Variants in FOXL2 observed in about 807,000 individuals in gnomAD.
The protein encoded by FOXL2 is forkhead box L2.
Under a neutral mutation model 2.5 loss-of-function variants are expected in FOXL2, and 3 were observed. The ratio of observed to expected loss-of-function variants is 1.20; its 90% CI spans 0.55 to 3.11. The LOEUF is 3.11. Among genes scored for constraint, FOXL2 ranks in the 30% most tolerant of loss-of-function variants. The pLI is 0.03. For synonymous variants in FOXL2, 315 were observed against 269.4 expected, an observed-to-expected ratio of 1.17 and a Z score of -1.66; for missense variants, 512 against 570.0, an observed-to-expected ratio of 0.90 and a Z score of 1.04.
In FOXL2 at chr3:138,945,867, G is replaced by T; in HGVS notation, c.856C>A (p.Pro286Thr). 1.6e-6 allele frequency: 2 copies of T among 1,245,884 alleles called. No individual in the cohort carries two copies. Among genetic ancestry groups the T allele is most frequent in the Non-Finnish European group, 1.0e-6 (1 of 998,590 alleles). 77.2% of individuals were successfully genotyped at this position (1,245,884 alleles called of 1,614,324 possible). A position where few individuals can be genotyped will look rare whatever the true frequency, so the allele number is the denominator to read the frequency against. Residue 286 changes from proline (P) to threonine (T), a missense_variant, in exon 1 of 1, where the codon CCT (proline) becomes ACT (threonine). This residue lies in a region of FOXL2 where 287 missense variants were observed against 277.4 expected (regional missense o/e 1.03). Transcript: ENST00000648323. Reference sequence around the variant, plus strand: ...GGATGCGGGTGGGGGTGCGGCGGAGGCGGGGGTGCGGCCGGCGGGCCTCCC... The same window carrying T: ...GGATGCGGGTGGGGGTGCGGCGGAGTCGGGGGTGCGGCCGGCGGGCCTCCC... ...GLGGPPAAPP[P>T]PPHPHPHPHA...
In FOXL2 at chr3:138,945,238, C is replaced by G. The variant is rs998081690; in HGVS notation, c.*354G>C. 4.5e-5 allele frequency: 11 copies of G among 244,320 alleles called. No homozygotes were observed. The highest frequency in any genetic ancestry group is 5.8e-5 in the East Asian group (1 of 17,208). The allele number at this position is 244,320 out of a possible 1,614,324, so 15.1% of individuals were successfully genotyped here. On this transcript the variant is annotated 3_prime_UTR_variant, in exon 1 of 1. Transcript: ENST00000648323. The stretch of plus-strand genomic sequence containing the variant: ...CCAAGAGGTCTGCGCTGCCGACGCC[C>G]GGTCGCACCTCCGCCCCGGGCCCTT...
Position 138,945,798 on chromosome 3 carries a change from G to T in FOXL2, c.925C>A (p.Pro309Thr). The change falls in exon 1 of 1, where the codon CCA becomes ACA. Residue 309 changes from proline to threonine, a missense_variant. By Grantham distance (38) the Pro-to-Thr change is conservative (BLOSUM62 -1). Around this residue, in one of 5 missense-constraint regions of FOXL2, gnomAD observed 287 missense variants for 277.4 expected, o/e 1.03. Coordinates refer to ENST00000648323, the MANE Select transcript of FOXL2 (RefSeq NM_023067.4). ...LHAAAAPPPA[P>T]PHHGAAAPPP... ...GGCGCGGCGGCCCCGTGGTGCGGTG[G>T]GGCAGGCGGCGGTGCGGCGGCCGCG... 1 of 1,181,614 alleles carries T rather than the reference G, an allele frequency of 8.5e-7. No homozygotes were observed. The highest frequency in any genetic ancestry group is 1.6e-5 in the African/African-American group (1 of 62,156). 73.2% of individuals were successfully genotyped at this position (1,181,614 alleles called of 1,614,324 possible). A position where few individuals can be genotyped will look rare whatever the true frequency, so the allele number is the denominator to read the frequency against.
Position 138,946,537 on chromosome 3 carries a change from G to T in FOXL2, c.186C>A (p.Leu62=). ...CGCTCTCGCGGATCGCCATGGCGAT[G>T]AGCGCCACGTACGAGTACGGGGGCT... ...AQKPPYSYVA[L]IAMAIRESAE... The change falls in exon 1 of 1, where the codon CTC becomes CTA. Residue 62 remains leucine (L), a synonymous_variant. Coordinates refer to ENST00000648323, the MANE Select transcript of FOXL2 (RefSeq NM_023067.4). The T allele has an allele frequency of 6.2e-7, 1 of 1,613,126 alleles. No individual in the cohort carries two copies. Among genetic ancestry groups the T allele is most frequent in the Non-Finnish European group, 8.5e-7 (1 of 1,179,992 alleles).
At position 138,946,322 on chromosome 3, in the gene FOXL2, C is replaced by G. The variant is rs774921882; in HGVS notation, c.401G>C (p.Cys134Ser). The G allele has an allele frequency of 3.1e-6, 5 of 1,613,632 alleles. No individual in the cohort carries two copies. The highest frequency in any genetic ancestry group is 2.2e-5 in the East Asian group (1 of 44,802). Residue 134 changes from cysteine to serine, a missense_variant, in exon 1 of 1, where the codon TGC becomes TCC. Around this residue, in one of 5 missense-constraint regions of FOXL2, gnomAD observed 63 missense variants for 138.9 expected, o/e 0.45. Coordinates refer to ENST00000648323, the MANE Select transcript of FOXL2 (RefSeq NM_023067.4). ...GTTGCCCTTCTCGAACATGTCTTCG[C>G]AGGCCGGGTCCAGCGTCCAGTAGTT... is the stretch of plus-strand genomic sequence containing the variant. Reference protein sequence around the residue: ...KGNYWTLDPACEDMFEKGNYR... With the variant: ...KGNYWTLDPASEDMFEKGNYR...
chr3:138,946,642 T>C lies in FOXL2; in HGVS notation c.81A>G (p.Pro27=). The C allele has an allele frequency of 6.3e-7, 1 of 1,595,660 alleles. No homozygotes were observed. The highest frequency in any genetic ancestry group is 8.5e-7 in the Non-Finnish European group (1 of 1,174,182). ...TGCCTGGGCTCGGCGGCGGCCCTTC[T>C]GGCTCCTTGACTGTGCGACCGGTCT... ...APETGRTVKE[P]EGPPPSPGKG... The change falls in exon 1 of 1, where the codon CCA becomes CCG. Residue 27 remains proline (P), a synonymous_variant. Coordinates refer to ENST00000648323, the MANE Select transcript of FOXL2 (RefSeq NM_023067.4).
At position 138,947,092 on chromosome 3, in the gene FOXL2, G is replaced by T; in HGVS notation, c.-370C>A. The T allele has an allele frequency of 2.1e-6, 1 of 477,098 alleles. No homozygotes were observed. The allele number at this position is 477,098 out of a possible 1,614,324, so 29.6% of individuals were successfully genotyped here. On this transcript the variant is annotated 5_prime_UTR_variant, in exon 1 of 1. Coordinates refer to ENST00000648323, the MANE Select transcript of FOXL2 (RefSeq NM_023067.4). The surrounding 1 kb of genome is among the most constrained non-coding windows in gnomAD (Gnocchi z 5.2). ...AAGCACGACCCGCGTCTCTGGCGGA[G>T]CTGCCTCCTGGAGTCCCTAGTGCGC...
In FOXL2 at chr3:138,946,833, G is replaced by C; in HGVS notation, c.-111C>G. The C allele has an allele frequency of 6.9e-7, 1 of 1,454,194 alleles. No individual in the cohort carries two copies. The highest frequency in any genetic ancestry group is 2.5e-5 in the East Asian group (1 of 39,432). The allele number at this position is 1,454,194 out of a possible 1,614,324, so 90.1% of individuals were successfully genotyped here. A position where few individuals can be genotyped will look rare whatever the true frequency, so the allele number is the denominator to read the frequency against. ...CTTACGGCCAAGTCTCAAACTTCTG[G>C]AGACTGCGGATGCCGCCCGCGCTTG... On this transcript the variant is annotated 5_prime_UTR_variant, in exon 1 of 1. Coordinates refer to ENST00000648323, the MANE Select transcript of FOXL2 (RefSeq NM_023067.4).
rs773788619 is a variant in FOXL2, at chr3:138,945,996, C to T, written c.727G>A (p.Ala243Thr). 7.8e-6 allele frequency: 11 copies of T among 1,401,424 alleles called. No individual in the cohort carries two copies. The South Asian group carries it at 1.8e-4, about 23-fold the overall frequency. 86.8% of individuals were successfully genotyped at this position (1,401,424 alleles called of 1,614,324 possible). The change falls in exon 1 of 1, where the codon GCT becomes ACT. Residue 243 changes from alanine to threonine, a missense_variant. By Grantham distance (58) the Ala-to-Thr change is moderately conservative. This residue lies in a region of FOXL2 where 287 missense variants were observed against 277.4 expected (regional missense o/e 1.03). Coordinates refer to ENST00000648323, the MANE Select transcript of FOXL2 (RefSeq NM_023067.4). ...AAGPGSPGAA[A>T]VVKGLAGPAA... is the part of the protein sequence containing the mutation. ...GGGCCCGCCAGCCCCTTGACCACAG[C>T]GGCCGCGCCAGGGCTACCGGGGCCC...
Position 138,946,165 on chromosome 3 carries a change from G to A in FOXL2, c.558C>T (p.Tyr186=). Reference sequence around the variant, plus strand: ...GGTACTTGGGGGGCGCCAGGTAGCCGTAGCCGTCGGCCCCGGCGCCCGCCA... The same window carrying A: ...GGTACTTGGGGGGCGCCAGGTAGCCATAGCCGTCGGCCCCGGCGCCCGCCA... The part of the protein sequence containing the change: ...CGVAGAGADG[Y]GYLAPPKYLQ... The change falls in exon 1 of 1, where the codon TAC becomes TAT. Residue 186 remains tyrosine, a synonymous_variant. Coordinates refer to ENST00000648323, the MANE Select transcript of FOXL2 (RefSeq NM_023067.4). 6.7e-7 allele frequency: 1 copy of A among 1,483,990 alleles called. No individual in the cohort carries two copies. Among genetic ancestry groups the A allele is most frequent in the Non-Finnish European group, 8.9e-7 (1 of 1,124,652 alleles). 91.9% of individuals were successfully genotyped at this position (1,483,990 alleles called of 1,614,324 possible).
At position 138,946,007 on chromosome 3, in the gene FOXL2, G is replaced by A; in HGVS notation, c.716C>T (p.Pro239Leu). Residue 239 changes from proline to leucine, a missense_variant, in exon 1 of 1, where the codon CCT (proline) becomes CTT (leucine). Physicochemically the swap from Pro to Leu is moderately conservative, Grantham distance 98 (BLOSUM62 -3). This residue lies in a region of FOXL2 where 287 missense variants were observed against 277.4 expected (regional missense o/e 1.03). Transcript: ENST00000648323. ...AAAAAAGPGSPGAAAVVKGLA... is the reference protein window; with the variant it reads ...AAAAAAGPGSLGAAAVVKGLA... Reference sequence around the variant, plus strand: ...CCCCTTGACCACAGCGGCCGCGCCAGGGCTACCGGGGCCCGCGGCTGCAGC... The same window carrying A: ...CCCCTTGACCACAGCGGCCGCGCCAAGGCTACCGGGGCCCGCGGCTGCAGC... 7.2e-7 allele frequency: 1 copy of A among 1,393,940 alleles called. No individual in the cohort carries two copies. The highest frequency in any genetic ancestry group is 1.6e-5 in the South Asian group (1 of 61,540). The allele number at this position is 1,393,940 out of a possible 1,614,324, so 86.3% of individuals were successfully genotyped here. A position where few individuals can be genotyped will look rare whatever the true frequency, so the allele number is the denominator to read the frequency against.
In FOXL2 at chr3:138,946,683, C is replaced by G. The variant is rs754146874; in HGVS notation, c.40G>C (p.Ala14Pro). The G allele has an allele frequency of 8.9e-6, 14 of 1,576,702 alleles. No individual in the cohort carries two copies. The South Asian group carries it at 1.6e-4, about 18-fold the overall frequency. ...CGACCGGTCTCTGGGGCCAGCAGGG[C>G]CCCCGCCGCGTCCTCGGGCTCGGGG... ...SYPEPEDAAG[A>P]LLAPETGRTV... Residue 14 changes from alanine (A) to proline (P), a missense_variant, in exon 1 of 1, where the codon GCC (alanine) becomes CCC (proline). Ala to Pro is a conservative substitution (Grantham distance 27, BLOSUM62 -1). Coordinates refer to ENST00000648323, the MANE Select transcript of FOXL2 (RefSeq NM_023067.4).
chr3:138,945,567 G>A lies in FOXL2; in HGVS notation c.*25C>T, dbSNP rs1935935836. On this transcript the variant is annotated 3_prime_UTR_variant, in exon 1 of 1. Coordinates refer to ENST00000648323, the MANE Select transcript of FOXL2 (RefSeq NM_023067.4). ...CGCGCGTCCCTGCATCCTCGCATCC[G>A]TCTGCACCGGCATGCGGTGGGCTCT... 6.2e-7 allele frequency: 1 copy of A among 1,604,536 alleles called. No homozygotes were observed. The highest frequency in any genetic ancestry group is 2.2e-5 in the East Asian group (1 of 44,646).
In FOXL2 at chr3:138,945,977, G is replaced by T; in HGVS notation, c.746C>A (p.Ala249Glu). ...PGAAAVVKGL[A>E]GPAASYGPYT... ...CGGCCCGTACGAGGCGGCCGGGCCC[G>T]CCAGCCCCTTGACCACAGCGGCCGC... is the stretch of plus-strand genomic sequence containing the variant. The change falls in exon 1 of 1, where the codon GCG (alanine) becomes GAG (glutamate). Residue 249 changes from alanine (A) to glutamate (E), a missense_variant. Physicochemically the swap from Ala to Glu is moderately radical, Grantham distance 107. Around this residue, in one of 5 missense-constraint regions of FOXL2, gnomAD observed 287 missense variants for 277.4 expected, o/e 1.03. Transcript: ENST00000648323. 2 of 1,403,972 alleles carry T rather than the reference G, an allele frequency of 1.4e-6. No individual in the cohort carries two copies. Among genetic ancestry groups the T allele is most frequent in the South Asian group, 1.7e-5 (1 of 60,232 alleles). The allele number at this position is 1,403,972 out of a possible 1,614,324, so 87.0% of individuals were successfully genotyped here. A position where few individuals can be genotyped will look rare whatever the true frequency, so the allele number is the denominator to read the frequency against.
Position 138,946,032 on chromosome 3 carries a change from C to T in FOXL2, c.691G>A (p.Ala231Thr), listed in dbSNP as rs2107743701. 1 of 1,392,288 alleles carries T rather than the reference C, an allele frequency of 7.2e-7. No homozygotes were observed. The highest frequency in any genetic ancestry group is 9.2e-7 in the Non-Finnish European group (1 of 1,085,428). The allele number at this position is 1,392,288 out of a possible 1,614,324, so 86.2% of individuals were successfully genotyped here. A position where few individuals can be genotyped will look rare whatever the true frequency, so the allele number is the denominator to read the frequency against. ...GGGCTACCGGGGCCCGCGGCTGCAG[C>T]CGCAGCTGCTGCAGCCGCTGCGGCT... is the stretch of plus-strand genomic sequence containing the variant. ...AAAAAAAAAA[A>T]AAAGPGSPGA... The change falls in exon 1 of 1, where the codon GCT becomes ACT. Residue 231 changes from alanine (A) to threonine (T), a missense_variant. Physicochemically the swap from Ala to Thr is moderately conservative, Grantham distance 58. Coordinates refer to ENST00000648323, the MANE Select transcript of FOXL2 (RefSeq NM_023067.4).
Position 138,946,271 on chromosome 3 carries a change from C to T in FOXL2, c.452G>A (p.Arg151Lys), listed in dbSNP as rs2107744349. ...GTGCGCGGGCGGCGGCCGGAAGGGC[C>T]TCTTCATGCGGCGGCGGCGCCGGTA... ...GNYRRRRRMK[R>K]PFRPPPAHFQ... Residue 151 changes from arginine to lysine, a missense_variant, in exon 1 of 1, where the codon AGG becomes AAG. Physicochemically the swap from Arg to Lys is conservative, Grantham distance 26. This residue lies in a region of FOXL2 where 287 missense variants were observed against 277.4 expected (regional missense o/e 1.03). Transcript: ENST00000648323. 1 of 1,606,186 alleles carries T rather than the reference C, an allele frequency of 6.2e-7. No individual in the cohort carries two copies.
Position 138,946,894 on chromosome 3 carries a change from T to A in FOXL2, c.-172A>T. 1 of 990,342 alleles carries A rather than the reference T, an allele frequency of 1.0e-6. No homozygotes were observed. The highest frequency in any genetic ancestry group is 1.7e-5 in the South Asian group (1 of 59,492). The allele number at this position is 990,342 out of a possible 1,614,324, so 61.3% of individuals were successfully genotyped here. A position where few individuals can be genotyped will look rare whatever the true frequency, so the allele number is the denominator to read the frequency against. ...GCCTGTCGCTGCTCTCCCCTCTCCT[T>A]CCCCTTCCCCTAGGGAGCGGCCGGC... On this transcript the variant is annotated 5_prime_UTR_variant, in exon 1 of 1. Coordinates refer to ENST00000648323, the MANE Select transcript of FOXL2 (RefSeq NM_023067.4).
Position 138,945,438 on chromosome 3 carries a change from G to T in FOXL2, c.*154C>A. 7.5e-7 allele frequency: 1 copy of T among 1,334,804 alleles called. No individual in the cohort carries two copies. The highest frequency in any genetic ancestry group is 1.0e-6 in the Non-Finnish European group (1 of 995,710). The allele number at this position is 1,334,804 out of a possible 1,614,324, so 82.7% of individuals were successfully genotyped here. On this transcript the variant is annotated 3_prime_UTR_variant, in exon 1 of 1. Coordinates refer to ENST00000648323, the MANE Select transcript of FOXL2 (RefSeq NM_023067.4). ...AGAGGAGCGACAGGAGCTTAGGAAAGCGAAAAAGCACAGAGGGACCCTGGG... is the reference window on the plus strand; with the variant it reads ...AGAGGAGCGACAGGAGCTTAGGAAATCGAAAAAGCACAGAGGGACCCTGGG...
rs35050049 is a variant in FOXL2, at chr3:138,944,811, C to CTT, written c.*779_*780dup. On this transcript the variant is annotated 3_prime_UTR_variant, in exon 1 of 1. Transcript: ENST00000648323. ...CCGGTTGCCCGGTGAATTTTTTTTCCTTTTTTTTTTTTTAAATACTCTCTT... is the reference window on the plus strand; with the variant it reads ...CCGGTTGCCCGGTGAATTTTTTTTCCTTTTTTTTTTTTTTTAAATACTCTCTT... The CTT allele has an allele frequency of 0.019, 3,950 of 213,146 alleles. 381 individuals carry two copies. The Admixed American group carries it at 0.2, about 11-fold the overall frequency. The allele number at this position is 213,146 out of a possible 1,614,324, so 13.2% of individuals were successfully genotyped here. A position where few individuals can be genotyped will look rare whatever the true frequency, so the allele number is the denominator to read the frequency against.
Position 138,946,093 on chromosome 3 carries a change from G to T in FOXL2, c.630C>A (p.Pro210=). 1 of 1,473,958 alleles carries T rather than the reference G, an allele frequency of 6.8e-7. No individual in the cohort carries two copies. Among genetic ancestry groups the T allele is most frequent in the Non-Finnish European group, 8.9e-7 (1 of 1,120,910 alleles). 91.3% of individuals were successfully genotyped at this position (1,473,958 alleles called of 1,614,324 possible). The change falls in exon 1 of 1, where the codon CCC becomes CCA. Residue 210 remains proline (P), a synonymous_variant. Coordinates refer to ENST00000648323, the MANE Select transcript of FOXL2 (RefSeq NM_023067.4). ...LNNSWPLPQP[P]SPMPYASCQM... Reference sequence around the variant, plus strand: ...GGCAGGAGGCATAGGGCATGGGTGAGGGAGGCTGCGGTAGCGGCCACGAGT... The same window carrying T: ...GGCAGGAGGCATAGGGCATGGGTGATGGAGGCTGCGGTAGCGGCCACGAGT...
Sources: allele counts gnomAD v4.1 joint callset, GRCh38; gene constraint gnomAD v4.1.1; regional missense constraint gnomAD v4.1.1; non-coding constraint Gnocchi (gnomAD v3.1); transcripts MANE v1.5; gene names NCBI Gene and HGNC (gene_info 2026-07-23, HGNC 2026-07-21).